The following PTPRR variants were observed in gnomAD, a reference collection of about 807,000 sequenced individuals.
PTPRR encodes the protein receptor-type tyrosine-protein phosphatase R.
In PTPRR, 38 loss-of-function variants were observed where a neutral mutation model predicts 77.2. That is an observed-to-expected ratio of 0.49 (90% confidence interval 0.38 to 0.65). PTPRR has a LOEUF of 0.65. PTPRR is among the 30% of genes least tolerant of loss of function. The pLI is 0.00. For missense variants in PTPRR, 744 were observed against 799.2 expected, an observed-to-expected ratio of 0.93 and a Z score of 0.83; for synonymous variants, 299 against 283.1, an observed-to-expected ratio of 1.06 and a Z score of -0.57.
At chr12:70,687,370 G>A (rs1887910845) in intron 8 of PTPRR, among the ~76,000 whole-genome samples, 1 of 14,628 alleles carries the variant, frequency 6.8e-5, no homozygotes, top group Non-Finnish European at 4.7e-4. Context: ...TCTATCCAAG[G>A]ATGGATAAAG....
intron 2 of PTPRR, among the ~76,000 whole-genome samples, chr12:70,773,127 C>G (rs890956576): frequency 6.6e-6 from 1 of 152,132 alleles, no homozygotes; most frequent in African/African-American, 2.4e-5. Context: ...CTCTGAGTGT[C>G]TGTGTCCAAA....
intron 12 of PTPRR, among the ~76,000 whole-genome samples, chr12:70,659,464 A>G (rs114177442): frequency 3.8e-4 from 58 of 152,270 alleles, no homozygotes; most frequent in African/African-American, 1.3e-3. Context: ...AGGACCAGAG[A>G]TAACTGTCAA....
intron 2 of PTPRR, among the ~76,000 whole-genome samples, chr12:70,849,747 T>C (rs1892542515): frequency 6.6e-6 from 1 of 152,184 alleles, no homozygotes; most frequent in Non-Finnish European, 1.5e-5. Flanking sequence ...TCTGGCCCCT[T>C]ACTATATGTT....
chr12:70,809,281 G>T (rs1419676428), intron 2 of PTPRR, among the ~76,000 whole-genome samples: 1 of 152,148 alleles, frequency 6.6e-6, no homozygotes, highest in Admixed American at 6.6e-5. Context: ...AAAGTACAAA[G>T]CCAGAAGGCA....
At chr12:70,875,399 A>G (rs979041883) in intron 2 of PTPRR, among the ~76,000 whole-genome samples, 1 of 152,200 alleles carries the variant, frequency 6.6e-6, no homozygotes, top group Admixed American at 6.5e-5. Context: ...TTGGGTTCTT[A>G]GCATGATGGA....
chr12:70,645,657 T>C (rs1262285773), intron 13 of PTPRR, among the ~76,000 whole-genome samples: 1 of 152,172 alleles, frequency 6.6e-6, no homozygotes, highest in Non-Finnish European at 1.5e-5. Context: ...GACTATGAAA[T>C]GCTGTGTTTG....
intron 1 of PTPRR, among the ~76,000 whole-genome samples, chr12:70,899,924 A>AG (rs1290272669): frequency 2.0e-5 from 3 of 151,550 alleles, no homozygotes; most frequent in Non-Finnish European, 4.4e-5. Context: ...AGTAAAAAAA[A>AG]CAAACTGACC....
intron 2 of PTPRR, among the ~76,000 whole-genome samples, chr12:70,890,382 T>C (rs1017595894): frequency 6.6e-6 from 1 of 152,166 alleles, no homozygotes; most frequent in Admixed American, 6.5e-5. Flanking sequence ...TAAATGCTCT[T>C]ATGAAATGCT....
chr12:70,695,782 C>T (rs1342400005), intron 8 of PTPRR, among the ~76,000 whole-genome samples: 2 of 152,066 alleles, frequency 1.3e-5, no homozygotes, highest in South Asian at 2.1e-4. Context: ...TTCTAACACG[C>T]AGCACTTTCA....
intron 2 of PTPRR, among the ~76,000 whole-genome samples, chr12:70,833,926 C>A (rs934884370): frequency 1.3e-5 from 2 of 152,152 alleles, no homozygotes; most frequent in Non-Finnish European, 2.9e-5. Flanking sequence ...AAAGGGCCTA[C>A]AATGATCTTG....
At chr12:70,687,540 T>A (rs564682088) in intron 8 of PTPRR, among the ~76,000 whole-genome samples, 1 of 152,150 alleles carries the variant, frequency 6.6e-6, no homozygotes, top group East Asian at 1.9e-4. Flanking sequence ...CTAGAAGATG[T>A]TAATAAATTC....
intron 2 of PTPRR, among the ~76,000 whole-genome samples, chr12:70,833,551 A>T (rs1246671826): frequency 6.6e-6 from 1 of 152,190 alleles, no homozygotes; most frequent in Non-Finnish European, 1.5e-5. Flanking sequence ...TAAGGTAAAG[A>T]ACAGAGGAGG....
chr12:70,703,095 T>C (rs549542001), intron 6 of PTPRR, among the ~76,000 whole-genome samples: 19 of 152,114 alleles, frequency 1.2e-4, no homozygotes, highest in African/African-American at 4.6e-4. Context: ...TCTTCCACAA[T>C]AATTATGCTT....
chr12:70,809,027 T>C (rs1298681364), intron 2 of PTPRR, among the ~76,000 whole-genome samples: 2 of 152,190 alleles, frequency 1.3e-5, no homozygotes, highest in African/African-American at 4.8e-5. Context: ...TCAAGTCCCT[T>C]CTTTTCTCTT....
intron 2 of PTPRR, among the ~76,000 whole-genome samples, chr12:70,862,847 A>ATTTTT (rs1892777281): frequency 1.3e-5 from 2 of 152,164 alleles, no homozygotes; most frequent in African/African-American, 4.8e-5. Flanking sequence ...TACACCAGCC[A>ATTTTT]TTCCACCTGT....
Position 70,745,833 on chromosome 12 carries a change from A to C in PTPRR, c.992T>G (p.Ile331Arg). The part of the protein sequence containing the change: ...VCPSPFKMKP[I>R]GLQERRGSNV... ...AAGCTCTTACCTCTCTTGAAGTCCT[A>C]TGGGCTTCATTTTGAAAGGAGAAGG... The change falls in exon 6 of 14, where the codon ATA becomes AGA. Residue 331 changes from isoleucine to arginine, a missense_variant. Ile to Arg is a moderately conservative substitution (Grantham distance 97). Transcript: ENST00000283228. 3 of 1,614,008 alleles carry C rather than the reference A, an allele frequency of 1.9e-6. No homozygotes were observed. Among genetic ancestry groups the C allele is most frequent in the Non-Finnish European group, 2.5e-6 (3 of 1,179,978 alleles).
In PTPRR at chr12:70,700,476, C is replaced by A. The variant is rs565710855; in HGVS notation, c.1194+661G>T. Among the ~76,000 whole-genome samples the A allele has an allele frequency of 7.9e-5, 12 of 152,302 alleles. No homozygotes were observed. In the South Asian group the frequency reaches 2.5e-3, roughly 32 times the overall value. On this transcript the variant is annotated intron_variant, in intron 7 of 13. Transcript: ENST00000283228. The stretch of plus-strand genomic sequence containing the variant: ...CTGTGTTCCTTATTTCGTTAAAGGG[C>A]ACCATATGCACCCTGTTGGCCAAAC...
chr12:70,888,923 T>C (rs139419199), intron 2 of PTPRR, among the ~76,000 whole-genome samples: 1 of 152,326 alleles, frequency 6.6e-6, no homozygotes, highest in African/African-American at 2.4e-5. Flanking sequence ...CAATAGGTTG[T>C]ACTAAAGCAT....
At chr12:70,689,635 G>A (rs1887988750) in intron 8 of PTPRR, among the ~76,000 whole-genome samples, 1 of 152,074 alleles carries the variant, frequency 6.6e-6, no homozygotes, top group Non-Finnish European at 1.5e-5. Flanking sequence ...ACAAGGAGGA[G>A]AAGCCACAGT....
Sources: allele counts gnomAD v4.1 joint callset (sites outside exome capture counted in the v4.1 genomes callset), GRCh38; gene constraint gnomAD v4.1.1; transcripts MANE v1.5; gene names NCBI Gene and HGNC (gene_info 2026-07-23, HGNC 2026-07-21).